The following AMZ2 variants were observed in gnomAD, a reference collection of about 807,000 sequenced individuals.
The protein encoded by AMZ2 is archaemetzincin-2.
AMZ2 carries 26 observed loss-of-function variants against 36.7 expected under a neutral mutation model. That is an observed-to-expected ratio of 0.71 (90% CI 0.52 to 0.98). The LOEUF (loss-of-function observed/expected upper bound fraction) is 0.98, where lower values mean the gene tolerates loss of function less well. AMZ2 is among the 50% of genes least tolerant of loss of function. The pLI, the probability that AMZ2 is intolerant of heterozygous loss-of-function variation, is 0.00. For missense variants in AMZ2, 394 were observed against 430.5 expected (o/e 0.92, Z 0.75); for synonymous variants, 144 against 149.1 (o/e 0.97, Z 0.25).
intron 1 of AMZ2, among the ~76,000 whole-genome samples, chr17:68,210,657 G>A (rs1473922043): frequency 3.9e-5 from 6 of 152,094 alleles, no homozygotes; most frequent in African/African-American, 1.4e-4. Flanking sequence ...CTTAAAAATG[G>A]TTAGAGACAA....
chr17:68,244,471 G>C (rs1459701006), upstream of AMZ2, among the ~76,000 whole-genome samples: 1 of 152,184 alleles, frequency 6.6e-6, no homozygotes, highest in African/African-American at 2.4e-5. Flanking sequence ...ATATTTAGTA[G>C]AGACGGGGTT....
chr17:68,230,528 C>T (rs1555730977), intron 1 of AMZ2, among the ~76,000 whole-genome samples: 1 of 152,248 alleles, frequency 6.6e-6, no homozygotes, highest in Non-Finnish European at 1.5e-5. Context: ...CCAGGAGGTG[C>T]ATTTCACTGG....
intron 1 of AMZ2, among the ~76,000 whole-genome samples, chr17:68,210,778 T>C (rs1179883602): frequency 2.6e-5 from 4 of 151,954 alleles, no homozygotes; most frequent in African/African-American, 7.3e-5. Context: ...AGAAATCCTG[T>C]CTCTACAAAC....
intron 1 of AMZ2, among the ~76,000 whole-genome samples, chr17:68,236,280 GT>G (rs1379967313): frequency 1.3e-5 from 2 of 151,748 alleles, no homozygotes; most frequent in African/African-American, 4.8e-5. Context: ...ATGTATTTTT[GT>G]GTTTATAAAC....
At position 68,248,106 on chromosome 17, in the gene AMZ2, G is replaced by C. The variant is rs1188942315; in HGVS notation, c.-600G>C. The C allele has an allele frequency of 2.0e-6, 2 of 986,282 alleles. No individual in the cohort carries two copies. The highest frequency in any genetic ancestry group is 2.4e-6 in the Non-Finnish European group (2 of 830,586). The allele number at this position is 986,282 out of a possible 1,614,324, so 61.1% of individuals were successfully genotyped here. ...CCGCGGGTGGGTGGTATCGAGGCCT[G>C]TCGGGTCAGGGCGGTTCGCGGGTGC... On this transcript the variant is annotated 5_prime_UTR_variant, in exon 1 of 7. Coordinates refer to ENST00000359904, the MANE Select transcript of AMZ2 (RefSeq NM_016627.5).
chr17:68,208,234 C>T (rs1314424967), intron 1 of AMZ2, among the ~76,000 whole-genome samples: 3 of 152,214 alleles, frequency 2.0e-5, no homozygotes, highest in Non-Finnish European at 4.4e-5. Context: ...GCTCCACCTG[C>T]GGCCCCAGTG....
intron 1 of AMZ2, among the ~76,000 whole-genome samples, chr17:68,216,789 G>A (rs781974749): frequency 6.6e-6 from 1 of 152,142 alleles, no homozygotes; most frequent in Non-Finnish European, 1.5e-5. Flanking sequence ...CCAGCACTTC[G>A]GGAGGCTGAG....
chr17:68,250,542 T>C (rs1555738884), intron 2 of AMZ2, 72 bp downstream of exon 2: 5 of 1,544,792 alleles, frequency 3.2e-6, no homozygotes, highest in East Asian at 2.2e-5. Flanking sequence ...GTCCAGGCTA[T>C]GGGTCTGATT....
chr17:68,214,297 A>T (rs1345300827), intron 1 of AMZ2, among the ~76,000 whole-genome samples: 1 of 152,152 alleles, frequency 6.6e-6, no homozygotes, highest in Non-Finnish European at 1.5e-5. Context: ...TGTCCTCGAG[A>T]GTAAGCTCTA....
chr17:68,251,057 C>T lies in AMZ2; in HGVS notation c.465C>T (p.Ile155=), dbSNP rs535829097. Residue 155 remains isoleucine (I), a synonymous_variant, in exon 4 of 7, where the codon ATC becomes ATT. Transcript: ENST00000359904. Reference sequence around the variant, plus strand: ...GTATTTCTTTTTAAATAGGGGACATCCTGAAGTTCTTGAAAAAGAAGAAAC... The same window carrying T: ...GTATTTCTTTTTAAATAGGGGACATTCTGAAGTTCTTGAAAAAGAAGAAAC... ...THNLQIHAGD[I]LKFLKKKKPE... is the part of the protein sequence containing the mutation. The T allele has an allele frequency of 1.9e-6, 3 of 1,610,600 alleles. No homozygotes were observed. The African/African-American group carries it at 4.0e-5, about 22-fold the overall frequency.
chr17:68,244,847 G>A (rs1157698015), upstream of AMZ2, among the ~76,000 whole-genome samples: 7 of 152,160 alleles, frequency 4.6e-5, no homozygotes, highest in Admixed American at 6.5e-5. Flanking sequence ...TTTCATTCAT[G>A]TGTTCAGTAA....
intron 1 of AMZ2, among the ~76,000 whole-genome samples, chr17:68,240,666 C>T (rs538379080): frequency 6.6e-6 from 1 of 152,260 alleles, no homozygotes; most frequent in South Asian, 2.1e-4. Flanking sequence ...TAAGGCACAT[C>T]TTTATAACCC....
At chr17:68,248,801 C>A in intron 1 of AMZ2, 96 bp downstream of exon 1, 1 of 979,736 alleles carries the variant, frequency 1.0e-6, no homozygotes, top group Non-Finnish European at 1.2e-6. Flanking sequence ...TGAGCCTATG[C>A]TTATATCAGA....
intron 1 of AMZ2, among the ~76,000 whole-genome samples, chr17:68,216,611 A>T (rs563286003): frequency 6.6e-6 from 1 of 152,344 alleles, no homozygotes; most frequent in East Asian, 1.9e-4. Context: ...ACTGTAGTCT[A>T]TAGAGTTTTC....
At position 68,250,622 on chromosome 17, in the gene AMZ2, T is replaced by C. The variant is rs1452303722; in HGVS notation, c.283+152T>C. On this transcript the variant is annotated intron_variant, in intron 2 of 6. Transcript: ENST00000359904. ...TACAAGTTTTGTAGCCAAACTGACT[T>C]AAAAGATAACATTTTGTTTCTTTTT... 10 of 1,234,488 alleles carry C rather than the reference T, an allele frequency of 8.1e-6. No individual in the cohort carries two copies. In the Admixed American group the frequency reaches 1.7e-4, roughly 21 times the overall value. 76.5% of individuals were successfully genotyped at this position (1,234,488 alleles called of 1,614,324 possible).
chr17:68,212,200 C>T (rs1370736074), intron 1 of AMZ2, among the ~76,000 whole-genome samples: 1 of 152,138 alleles, frequency 6.6e-6, no homozygotes, highest in South Asian at 2.1e-4. Context: ...TCGACACCCC[C>T]TTTTCTACAA....
chr17:68,213,643 A>G (rs2073122400), intron 1 of AMZ2, among the ~76,000 whole-genome samples: 1 of 152,298 alleles, frequency 6.6e-6, no homozygotes, highest in South Asian at 2.1e-4. Context: ...TCCACGAGGT[A>G]TTTTTGGTGG....
chr17:68,248,617 C>CA lies in AMZ2; in HGVS notation c.-88dup. ...TGCCTTTTTAATATTAAGATGAAGT[C>CA]ACACTCCACAACTTTCTTCCAGCCA... On this transcript the variant is annotated 5_prime_UTR_variant, in exon 1 of 7. It removes the in-frame stop codon of an upstream open reading frame in the 5' UTR. Transcript: ENST00000359904. 1 of 985,922 alleles carries CA rather than the reference C, an allele frequency of 1.0e-6. No individual in the cohort carries two copies. Among genetic ancestry groups the CA allele is most frequent in the South Asian group, 4.7e-5 (1 of 21,290 alleles). 61.1% of individuals were successfully genotyped at this position (985,922 alleles called of 1,614,324 possible).
intron 1 of AMZ2, among the ~76,000 whole-genome samples, chr17:68,232,486 A>G (rs566772750): frequency 7.4e-6 from 1 of 135,014 alleles, no homozygotes; most frequent in African/African-American, 2.8e-5. Flanking sequence ...ACAGAACAAG[A>G]CCCTATCTCA....
Sources: allele counts gnomAD v4.1 joint callset (sites outside exome capture counted in the v4.1 genomes callset), GRCh38; gene constraint gnomAD v4.1.1; transcripts MANE v1.5; gene names NCBI Gene and HGNC (gene_info 2026-07-23, HGNC 2026-07-21).